Variants in PRKG1 observed in about 807,000 individuals in gnomAD.
PRKG1 encodes protein kinase cGMP-dependent 1.
PRKG1 carries 35 observed loss-of-function variants against 88.1 expected under a neutral mutation model. The observed-to-expected ratio is 0.40, with a 90% confidence interval of 0.30 to 0.53. The LOEUF is 0.53. PRKG1 is among the 20% of genes least tolerant of loss of function. The probability of loss-of-function intolerance (pLI) is 0.59; values close to 1 mark genes in which losing one functional copy is unlikely to be tolerated. For synonymous variants in PRKG1, 303 were observed against 292.5 expected, an observed-to-expected ratio of 1.04 and a Z score of -0.37; for missense variants, 540 against 839.8, an observed-to-expected ratio of 0.64 and a Z score of 4.41.
chr10:51,242,720 A>G (rs1839186424), intron 2 of PRKG1, among the ~76,000 whole-genome samples: 1 of 152,142 alleles, frequency 6.6e-6, no homozygotes. Context: ...GAAGATTGTA[A>G]TTGACCAGAG....
At chr10:51,475,471 C>T (rs1041610919) in intron 3 of PRKG1, among the ~76,000 whole-genome samples, 6 of 151,946 alleles carry the variant, frequency 3.9e-5, no homozygotes, top group Non-Finnish European at 7.4e-5. Context: ...TGTTAACCTA[C>T]ACATATGCAT....
intron 5 of PRKG1, among the ~76,000 whole-genome samples, chr10:51,917,163 C>CA (rs1351249441): frequency 6.6e-6 from 1 of 151,728 alleles, no homozygotes; most frequent in Non-Finnish European, 1.5e-5. Context: ...ACTAAAAATA[C>CA]AAAAAATTAG....
At chr10:51,161,786 G>T (rs1156811873) in intron 2 of PRKG1, among the ~76,000 whole-genome samples, 1 of 152,108 alleles carries the variant, frequency 6.6e-6, no homozygotes, top group Admixed American at 6.5e-5. Context: ...GAGAATGGCA[G>T]ATTGGAAACT....
intron 2 of PRKG1, among the ~76,000 whole-genome samples, chr10:51,163,776 C>A (rs886792183): frequency 1.3e-5 from 2 of 152,192 alleles, no homozygotes; most frequent in Admixed American, 6.5e-5. Flanking sequence ...CCTACGCCCA[C>A]GGAGTCTCGC....
At chr10:52,051,538 T>A (rs754234750) in intron 5 of PRKG1, among the ~76,000 whole-genome samples, 1 of 152,182 alleles carries the variant, frequency 6.6e-6, no homozygotes, top group Non-Finnish European at 1.5e-5. Flanking sequence ...GATCTTGAAT[T>A]AGGAACCAAG....
intron 5 of PRKG1, among the ~76,000 whole-genome samples, chr10:51,942,751 T>C (rs1459626703): frequency 6.6e-6 from 1 of 151,380 alleles, no homozygotes; most frequent in Admixed American, 6.6e-5. Context: ...TTGTCAAAGA[T>C]CAGATAGTTG....
At chr10:51,861,805 C>T (rs1223565627) in intron 4 of PRKG1, among the ~76,000 whole-genome samples, 4 of 152,234 alleles carry the variant, frequency 2.6e-5, no homozygotes, top group Non-Finnish European at 4.4e-5. Context: ...ACAGGATCCT[C>T]TCAGTGCCCT....
intron 5 of PRKG1, among the ~76,000 whole-genome samples, chr10:51,985,811 CT>C (rs1844140921): frequency 1.3e-5 from 2 of 152,092 alleles, no homozygotes; most frequent in African/African-American, 4.8e-5. Flanking sequence ...GTTTGGGCTG[CT>C]ATAACAAATA....
At chr10:52,048,752 G>T (rs757669547) in intron 5 of PRKG1, among the ~76,000 whole-genome samples, 10 of 152,128 alleles carry the variant, frequency 6.6e-5, no homozygotes, top group Non-Finnish European at 2.9e-5. Flanking sequence ...TCAAGTTATT[G>T]TCTTTGGGGA....
intron 3 of PRKG1, among the ~76,000 whole-genome samples, chr10:51,520,115 A>G (rs1841697645): frequency 1.3e-5 from 2 of 152,030 alleles, no homozygotes; most frequent in Admixed American, 1.3e-4. Flanking sequence ...AAATCTTTTG[A>G]GCCTAAAGAA....
intron 3 of PRKG1, among the ~76,000 whole-genome samples, chr10:51,761,018 C>T (rs545471721): frequency 6.6e-6 from 1 of 152,186 alleles, no homozygotes; most frequent in Non-Finnish European, 1.5e-5. Flanking sequence ...GAGGCTGAGG[C>T]AGAAGAATTA....
intron 2 of PRKG1, among the ~76,000 whole-genome samples, chr10:51,175,484 A>G (rs2339731): frequency 0.57 from 86,032 of 151,796 alleles, 26,344 homozygotes; most frequent in African/African-American, 0.83. Context: ...TTCAATTATA[A>G]GATTATCAAA....
intron 7 of PRKG1, among the ~76,000 whole-genome samples, chr10:52,084,016 G>T (rs151225722): frequency 3.8e-4 from 58 of 152,096 alleles, no homozygotes; most frequent in Middle Eastern, 6.8e-3. Context: ...AATCACATTT[G>T]ATATTGATGG....
chr10:51,835,692 A>G (rs932747045), intron 4 of PRKG1, among the ~76,000 whole-genome samples: 9 of 152,338 alleles, frequency 5.9e-5, no homozygotes, highest in Admixed American at 5.9e-4. Context: ...TGCAATGAAC[A>G]TGGGAGTGCA....
Position 51,563,688 on chromosome 10 carries a change from G to C in PRKG1, c.592+95852G>C, listed in dbSNP as rs547727600. ...ATTTATGTTTTTGGTAACAGAAGAA[G>C]GAAACATAATTTCACAAAACATTTT... is the stretch of plus-strand genomic sequence containing the variant. On this transcript the variant is annotated intron_variant, in intron 3 of 17. Coordinates refer to ENST00000373980, the MANE Select transcript of PRKG1 (RefSeq NM_006258.4). Among the ~76,000 whole-genome samples the C allele has an allele frequency of 2.3e-4, 35 of 152,138 alleles. No homozygotes were observed. In the Middle Eastern group the frequency reaches 0.014, roughly 59 times the overall value.
intron 2 of PRKG1, among the ~76,000 whole-genome samples, chr10:51,203,807 T>A (rs1332682061): frequency 6.6e-6 from 1 of 152,226 alleles, no homozygotes; most frequent in Non-Finnish European, 1.5e-5. Flanking sequence ...TTAGTAGACT[T>A]TACTCTTGCT....
intron 12 of PRKG1, among the ~76,000 whole-genome samples, chr10:52,275,289 A>G (rs1841846331): frequency 6.6e-6 from 1 of 152,110 alleles, no homozygotes; most frequent in Non-Finnish European, 1.5e-5. Flanking sequence ...TTCCAATGCT[A>G]TCTTCTAGAA....
intron 3 of PRKG1, among the ~76,000 whole-genome samples, chr10:51,509,515 T>C (rs7095218): frequency 0.081 from 12,256 of 152,224 alleles, 1,562 homozygotes; most frequent in African/African-American, 0.27. Flanking sequence ...GGTTATAAAA[T>C]AGCACTAATA....
intron 1 of PRKG1, among the ~76,000 whole-genome samples, chr10:51,050,543 T>G (rs1053274661): frequency 6.6e-6 from 1 of 152,182 alleles, no homozygotes. Flanking sequence ...CACCATATTT[T>G]CTTTACCCAT....
Sources: gnomAD v4.1 joint callset for allele counts (sites outside exome capture counted in the v4.1 genomes callset) on GRCh38, gnomAD v4.1.1 for gene constraint, MANE v1.5 for transcripts, NCBI Gene and HGNC (gene_info 2026-07-23, HGNC 2026-07-21) for gene names.